DBH: variants seen among roughly 807,000 people sequenced by gnomAD.
The protein encoded by DBH is dopamine beta-hydroxylase, also known as dopamine beta-hydroxylase (dopamine beta-monooxygenase).
A neutral mutation model predicts 64.0 loss-of-function variants in DBH; 49 were observed. That is an observed-to-expected ratio of 0.77 (90% CI 0.61 to 0.97). DBH has a LOEUF of 0.97. Ranked by LOEUF, DBH falls within the 50% of genes least tolerant of loss-of-function variation. The pLI is 0.00. For synonymous variants in DBH, 343 were observed against 347.1 expected, an observed-to-expected ratio of 0.99 and a Z score of 0.13; for missense variants, 828 against 826.6, an observed-to-expected ratio of 1.00 and a Z score of -0.02.
chr9:133,657,465 GGAGAGAGGGAGAGGGAGAGAGGAGA>G (rs1564215911), intron 11 of DBH, among the ~76,000 whole-genome samples: 2 of 134,352 alleles, frequency 1.5e-5, no homozygotes, highest in African/African-American at 6.5e-5. Flanking sequence ...AGAGGGAGAG[GGAGAGAGGGAGAGGGAGAGAGGAGA>G]GAGAGAGGAG....
At position 133,659,088 on chromosome 9, in the gene DBH, CT is replaced by C. The variant is rs1411692044; in HGVS notation, c.*643del. The C allele has an allele frequency of 6.6e-6, 1 of 152,244 alleles. No homozygotes were observed. Among genetic ancestry groups the C allele is most frequent in the East Asian group, 1.9e-4 (1 of 5,188 alleles). 9.4% of individuals were successfully genotyped at this position (152,244 alleles called of 1,614,324 possible). On this transcript the variant is annotated 3_prime_UTR_variant, in exon 12 of 12. Coordinates refer to ENST00000393056, the MANE Select transcript of DBH (RefSeq NM_000787.4). ...ACGAGGCGGCAAAGATCCAGCGGGG[CT>C]TCTGGGCGCCGGTTCCACGTGGGGT...
chr9:133,637,634 G>C (rs1832068621), intron 1 of DBH, among the ~76,000 whole-genome samples: 1 of 152,248 alleles, frequency 6.6e-6, no homozygotes, highest in Non-Finnish European at 1.5e-5. Context: ...GCCGGCTCCA[G>C]CTCTGCATCT....
chr9:133,651,929 G>A, intron 7 of DBH, 152 bp downstream of exon 7: 3 of 820,490 alleles, frequency 3.7e-6, no homozygotes, highest in Non-Finnish European at 5.9e-6. Flanking sequence ...TGTGGCCTGT[G>A]CTCCCCACTT....
At chr9:133,644,398 C>T (rs1440424742) in intron 5 of DBH, 78 bp downstream of exon 5, 87 of 1,186,884 alleles carry the variant, frequency 7.3e-5, no homozygotes, top group Middle Eastern at 1.9e-4. Context: ...TCCCGCCCTT[C>T]GTCTGCCCAG....
chr9:133,641,595 G>A (rs537659295), intron 2 of DBH, among the ~76,000 whole-genome samples: 20 of 152,318 alleles, frequency 1.3e-4, no homozygotes, highest in South Asian at 6.2e-4. Context: ...CCCGATCCCC[G>A]TTTCCATTCA....
Position 133,657,221 on chromosome 9 carries a change from C to T in DBH, c.1714C>T (p.Arg572Cys), listed in dbSNP as rs190637473. 3.7e-5 allele frequency: 60 copies of T among 1,613,948 alleles called. No individual in the cohort carries two copies. The Middle Eastern group carries it at 4.9e-4, about 13-fold the overall frequency. The change falls in exon 11 of 12, where the codon CGC (arginine) becomes TGC (cysteine). Residue 572 changes from arginine to cysteine, a missense_variant. Transcript: ENST00000393056. ...GCACTGCAACAAGTCCTCAGCCGTCCGCTTCCAGGTGCGCTGCCATGGGCC... is the reference window on the plus strand; with the variant it reads ...GCACTGCAACAAGTCCTCAGCCGTCTGCTTCCAGGTGCGCTGCCATGGGCC... ...SMHCNKSSAV[R>C]FQGEWNLQPL...
chr9:133,651,836 T>C (rs940225089), intron 7 of DBH, 59 bp downstream of exon 7: 7 of 1,321,206 alleles, frequency 5.3e-6, no homozygotes, highest in Admixed American at 2.4e-5. Context: ...CACGACCTCC[T>C]GGGTCTACTG....
Position 133,639,981 on chromosome 9 carries a change from T to C in DBH, c.475T>C (p.Tyr159His). The change falls in exon 2 of 12, where the codon TAC becomes CAC. Residue 159 changes from tyrosine to histidine, a missense_variant. Tyr to His is a moderately conservative substitution (Grantham distance 83). Transcript: ENST00000393056. ...RPFGTCDPKD[Y>H]LIEDGTVHLV... ...CTTTGGCACCTGCGACCCCAAGGAT[T>C]ACCTCATTGAAGTAAGGGGTGGCCG... 6.2e-7 allele frequency: 1 copy of C among 1,613,976 alleles called. No homozygotes were observed.
chr9:133,656,288 C>T (rs1246145629), intron 9 of DBH: 3 of 536,726 alleles, frequency 5.6e-6, no homozygotes, highest in Admixed American at 3.0e-5. Flanking sequence ...TTTTTCCTCA[C>T]AGCATCATCA....
rs375329795 is a variant in DBH at position 133,653,013 on chromosome 9, G to A, written c.1434+14G>A. ...CTGGCCACAGTGGTAAGTCACCCCC[G>A]CTTCCCCCTGCACCTGCCCAGGGCG... On this transcript the variant is annotated intron_variant, in intron 9 of 11. Transcript: ENST00000393056. 24 of 1,602,470 alleles carry A rather than the reference G, an allele frequency of 1.5e-5. No homozygotes were observed. The highest frequency in any genetic ancestry group is 4.4e-5 in the South Asian group (4 of 90,842).
chr9:133,636,736 T>TTC (rs1564207131), intron 1 of DBH, 26 bp downstream of exon 1: 1 of 1,588,022 alleles, frequency 6.3e-7, no homozygotes, highest in Non-Finnish European at 8.5e-7. Flanking sequence ...CTGCCAGCTC[T>TTC]CCAAACCCTT....
intron 2 of DBH, among the ~76,000 whole-genome samples, chr9:133,640,196 C>T (rs1164173454): frequency 6.6e-6 from 1 of 152,218 alleles, no homozygotes; most frequent in African/African-American, 2.4e-5. Context: ...TGCTATTGCC[C>T]CTGAGCCCTC....
At chr9:133,651,842 TAC>T in intron 7 of DBH, 65 bp downstream of exon 7, 1 of 1,410,828 alleles carries the variant, frequency 7.1e-7, no homozygotes, top group Non-Finnish European at 9.6e-7. Flanking sequence ...CTCCTGGGTC[TAC>T]TGTTTCCTGA....
chr9:133,639,990 G>A lies in DBH; in HGVS notation c.484G>A (p.Glu162Lys), dbSNP rs2131283477. Reference sequence around the variant, plus strand: ...CTGCGACCCCAAGGATTACCTCATTGAAGTAAGGGGTGGCCGCGAGTACCC... The same window carrying A: ...CTGCGACCCCAAGGATTACCTCATTAAAGTAAGGGGTGGCCGCGAGTACCC... ...GTCDPKDYLI[E>K]DGTVHLVYGI... Residue 162 changes from glutamate (E) to lysine (K), a missense_variant and splice_region_variant, in exon 2 of 12, where the codon GAA becomes AAA. Physicochemically the swap from Glu to Lys is moderately conservative, Grantham distance 56. Transcript: ENST00000393056. 6.2e-7 allele frequency: 1 copy of A among 1,613,938 alleles called. No individual in the cohort carries two copies.
intron 5 of DBH, 124 bp from the exon 6 acceptor site, chr9:133,647,722 T>G: frequency 3.4e-6 from 4 of 1,181,924 alleles, no homozygotes; most frequent in Non-Finnish European, 4.9e-6. Flanking sequence ...TGGGAGCAGA[T>G]GGGGGGTGAC....
At chr9:133,646,675 C>T (rs1226515339) in intron 5 of DBH, among the ~76,000 whole-genome samples, 2 of 144,806 alleles carry the variant, frequency 1.4e-5, no homozygotes, top group African/African-American at 5.3e-5. Flanking sequence ...AGGTGCGTGC[C>T]ACCACACCTG....
intron 2 of DBH, 48 bp downstream of exon 2, chr9:133,640,040 A>G: frequency 6.2e-7 from 1 of 1,608,930 alleles, no homozygotes. Context: ...TGCGTGTATC[A>G]TGCTGCCATC....
At chr9:133,653,750 TGCAGGCAGCACCAGGAC>T (rs935643536) in intron 9 of DBH, among the ~76,000 whole-genome samples, 1 of 152,178 alleles carries the variant, frequency 6.6e-6, no homozygotes, top group Non-Finnish European at 1.5e-5. Flanking sequence ...AGGCTGGGTA[TGCAGGCAGCACCAGGAC>T]ACGGGCAGCC....
At chr9:133,651,343 C>T (rs1288405057) in intron 6 of DBH, among the ~76,000 whole-genome samples, 2 of 151,640 alleles carry the variant, frequency 1.3e-5, no homozygotes, top group Admixed American at 1.3e-4. Flanking sequence ...GAAGATGAAC[C>T]TGTCAGGCTT....
Sources: gnomAD v4.1 joint callset for allele counts (sites outside exome capture counted in the v4.1 genomes callset) on GRCh38, gnomAD v4.1.1 for gene constraint, MANE v1.5 for transcripts, NCBI Gene and HGNC (gene_info 2026-07-23, HGNC 2026-07-21) for gene names.